Variants in CNIH3 observed in about 807,000 individuals in gnomAD.
The protein encoded by CNIH3 is cornichon family AMPA receptor auxiliary protein 3.
CNIH3 carries 14 observed loss-of-function variants against 24.1 expected under a neutral mutation model. The ratio of observed to expected loss-of-function variants is 0.58; its 90% CI spans 0.38 to 0.91. The LOEUF (loss-of-function observed/expected upper bound fraction) is 0.91. Among genes scored for constraint, CNIH3 ranks in the 40% least tolerant of loss-of-function variants. The pLI is 0.00. For missense variants in CNIH3, 178 were observed against 196.8 expected, an observed-to-expected ratio of 0.90 and a Z score of 0.57; for synonymous variants, 68 against 73.8, an observed-to-expected ratio of 0.92 and a Z score of 0.40.
intron 3 of CNIH3, among the ~76,000 whole-genome samples, chr1:224,716,625 G>A (rs1436168): frequency 0.71 from 107,129 of 151,750 alleles, 38,776 homozygotes; most frequent in East Asian, 0.96. Flanking sequence ...GGGGTACAGT[G>A]TGGGGACCGT....
Position 224,694,973 on chromosome 1 carries a change from C to A in CNIH3, c.198+10130C>A, listed in dbSNP as rs963856527. On this transcript the variant is annotated intron_variant, in intron 3 of 5. Coordinates refer to ENST00000272133, the MANE Select transcript of CNIH3 (RefSeq NM_152495.2). ...AGGGGGTGAGGGATAAAAGACTACACGTTGGGTACAGTGTACACTGCTCAG... is the reference window on the plus strand; with the variant it reads ...AGGGGGTGAGGGATAAAAGACTACAAGTTGGGTACAGTGTACACTGCTCAG... 5.3e-4 allele frequency among the ~76,000 whole-genome samples: 81 copies of A among 152,038 alleles called. 1 individual carries two copies. The highest frequency in any genetic ancestry group is 1.9e-3 in the African/African-American group (79 of 41,358).
chr1:224,695,758 T>G (rs1467639652), intron 3 of CNIH3, among the ~76,000 whole-genome samples: 2 of 152,238 alleles, frequency 1.3e-5, no homozygotes, highest in South Asian at 4.1e-4. Context: ...GGCTCCCCTG[T>G]AGTCTGGACC....
chr1:224,701,288 C>G (rs1341711448), intron 3 of CNIH3, among the ~76,000 whole-genome samples: 1 of 151,556 alleles, frequency 6.6e-6, no homozygotes. Flanking sequence ...TAACAAAATA[C>G]CCTAGACTCA....
At chr1:224,517,672 T>C (rs1678451229) in intron 1 of CNIH3, among the ~76,000 whole-genome samples, 1 of 150,144 alleles carries the variant, frequency 6.7e-6, no homozygotes, top group South Asian at 2.2e-4. Flanking sequence ...GATATCATTC[T>C]TATGCCTTTG....
chr1:224,601,313 A>G (rs1256502264), intron 3 of CNIH3, among the ~76,000 whole-genome samples: 3 of 152,128 alleles, frequency 2.0e-5, no homozygotes, highest in African/African-American at 7.2e-5. Flanking sequence ...GGAGTTGTAC[A>G]CATGCTTACT....
downstream of CNIH3, among the ~76,000 whole-genome samples, chr1:224,593,373 G>C (rs1304925735): frequency 6.6e-6 from 1 of 151,972 alleles, no homozygotes; most frequent in Non-Finnish European, 1.5e-5. Flanking sequence ...TGCTGCATCC[G>C]GTCCACACAG....
intron 3 of CNIH3, among the ~76,000 whole-genome samples, chr1:224,548,511 A>G (rs898220899): frequency 6.6e-6 from 1 of 151,788 alleles, no homozygotes; most frequent in African/African-American, 2.4e-5. Flanking sequence ...ATTATTCATA[A>G]TATCGATAAA....
downstream of CNIH3, among the ~76,000 whole-genome samples, chr1:224,538,991 C>T (rs576865321): frequency 1.4e-4 from 21 of 152,132 alleles, no homozygotes; most frequent in African/African-American, 5.1e-4. Context: ...TTAAATGTAC[C>T]TTTCCTCAAG....
intron 1 of CNIH3, among the ~76,000 whole-genome samples, chr1:224,483,305 G>A (rs1220158352): frequency 6.6e-6 from 1 of 152,078 alleles, no homozygotes; most frequent in African/African-American, 2.4e-5. Context: ...AGCTGAGATT[G>A]CAGCACTGCA....
At chr1:224,594,732 G>A (rs367769516) in intron 3 of CNIH3, among the ~76,000 whole-genome samples, 2 of 152,120 alleles carry the variant, frequency 1.3e-5, no homozygotes, top group East Asian at 3.9e-4. Context: ...CTAGTTGCCT[G>A]GTACCTGGCT....
chr1:224,555,685 G>A (rs915754491), intron 3 of CNIH3, among the ~76,000 whole-genome samples: 2 of 152,184 alleles, frequency 1.3e-5, no homozygotes, highest in Non-Finnish European at 2.9e-5. Context: ...AACAAACAAG[G>A]TTGGCATAAC....
chr1:224,610,981 T>C (rs1682667158), intron 3 of CNIH3, among the ~76,000 whole-genome samples: 1 of 152,194 alleles, frequency 6.6e-6, no homozygotes, highest in South Asian at 2.1e-4. Flanking sequence ...TAGAGCAGTA[T>C]AGCAAAAACG....
chr1:224,455,354 C>T (rs1275040967), intron 1 of CNIH3, among the ~76,000 whole-genome samples: 1 of 152,138 alleles, frequency 6.6e-6, no homozygotes, highest in Admixed American at 6.5e-5. Context: ...TCCTCCTCCT[C>T]TCACCACCCC....
chr1:224,463,773 ATTTTTTTTTTTTTTTTTTTTT>A (rs56137320), intron 1 of CNIH3, among the ~76,000 whole-genome samples: 12 of 20,706 alleles, frequency 5.8e-4, no homozygotes, highest in South Asian at 2.6e-3. Flanking sequence ...AATTGTCCTC[ATTTTTTTTTTTTTTTTTTTTT>A]TTTTTTTTTT....
intron 3 of CNIH3, among the ~76,000 whole-genome samples, chr1:224,558,848 C>A (rs1310169498): frequency 1.3e-5 from 2 of 152,358 alleles, no homozygotes; most frequent in East Asian, 1.9e-4. Context: ...AATGCTGCAA[C>A]TTCTGAAGGA....
At chr1:224,661,858 G>T (rs761442360) in intron 1 of CNIH3, 30 of 183,874 alleles carry the variant, frequency 1.6e-4, no homozygotes, top group Non-Finnish European at 3.2e-4. Context: ...ATGTCTGCAT[G>T]CCTAGAACTT....
chr1:224,737,034 G>A (rs1689626509), intron 5 of CNIH3, among the ~76,000 whole-genome samples: 1 of 152,176 alleles, frequency 6.6e-6, no homozygotes, highest in Admixed American at 6.5e-5. Context: ...CCAACAGAAT[G>A]AGACCATTGT....
chr1:224,585,650 A>C (rs1681474476), intron 5 of CNIH3, among the ~76,000 whole-genome samples: 3 of 148,980 alleles, frequency 2.0e-5, no homozygotes, highest in African/African-American at 7.4e-5. Flanking sequence ...ATAATTTAAA[A>C]ACTTTTTTTT....
chr1:224,568,716 T>G (rs1348558290), intron 4 of CNIH3, among the ~76,000 whole-genome samples: 1 of 152,114 alleles, frequency 6.6e-6, no homozygotes, highest in East Asian at 1.9e-4. Context: ...ATCACGTCAT[T>G]GCATTCCAGC....
Sources: gnomAD v4.1 joint callset for allele counts (sites outside exome capture counted in the v4.1 genomes callset) on GRCh38, gnomAD v4.1.1 for gene constraint, MANE v1.5 for transcripts, NCBI Gene and HGNC (gene_info 2026-07-23, HGNC 2026-07-21) for gene names.